The following NRAP variants were observed in gnomAD, a reference collection of about 807,000 sequenced individuals.
The protein encoded by NRAP is nebulin-related-anchoring protein.
A neutral mutation model predicts 225.9 loss-of-function variants in NRAP; 189 were observed. The observed-to-expected ratio is 0.84, with a 90% CI of 0.74 to 0.94. The LOEUF (loss-of-function observed/expected upper bound fraction) is 0.94. NRAP is among the 40% of genes least tolerant of loss of function. The probability of loss-of-function intolerance (pLI) is 0.00; values close to 1 mark genes in which losing one functional copy is unlikely to be tolerated. For missense variants in NRAP, 2,176 were observed against 2,168.7 expected, an observed-to-expected ratio of 1.00 and a Z score of -0.07; for synonymous variants, 769 against 790.7, an observed-to-expected ratio of 0.97 and a Z score of 0.46.
intron 15 of NRAP, among the ~76,000 whole-genome samples, chr10:113,633,399 G>C (rs548073921): frequency 1.3e-5 from 2 of 152,308 alleles, no homozygotes; most frequent in East Asian, 3.9e-4. Context: ...CACACTTGAA[G>C]TTGTGAGTTT....
Position 113,592,194 on chromosome 10 carries a change from A to T in NRAP, c.4644T>A (p.Asp1548Glu). 1 of 1,594,894 alleles carries T rather than the reference A, an allele frequency of 6.3e-7. No individual in the cohort carries two copies. The highest frequency in any genetic ancestry group is 8.6e-7 in the Non-Finnish European group (1 of 1,165,422). ...TARASREIAS[D>E]FRYKEAFLRD... ...GCAGGAGAGAACATGGGGGTCTTAC[A>T]TCACTGGCGATCTCCCTAGATGCCC... The change falls in exon 39 of 42, where the codon GAT becomes GAA. Residue 1548 changes from aspartate (D) to glutamate (E), a missense_variant and splice_region_variant. Transcript: ENST00000359988.
chr10:113,629,264 A>C (rs767408462), intron 19 of NRAP, among the ~76,000 whole-genome samples: 10 of 150,466 alleles, frequency 6.6e-5, no homozygotes, highest in Admixed American at 2.1e-4. Flanking sequence ...AGTGTTTCTC[A>C]TATTTGTTGA....
chr10:113,623,455 G>T, intron 23 of NRAP, 74 bp downstream of exon 23: 1 of 902,538 alleles, frequency 1.1e-6, no homozygotes, highest in South Asian at 1.6e-5. Flanking sequence ...AACCTGCCCA[G>T]ACACTCAGAG....
intron 16 of NRAP, among the ~76,000 whole-genome samples, 154 bp from the exon 17 acceptor site, chr10:113,632,118 T>C (rs1422584417): frequency 6.6e-6 from 1 of 152,196 alleles, no homozygotes; most frequent in Non-Finnish European, 1.5e-5. Flanking sequence ...ATTAACACAG[T>C]TAATTGATTC....
At position 113,663,450 on chromosome 10, in the gene NRAP, G is replaced by A. The variant is rs200548217; in HGVS notation, c.73-4C>T. On this transcript the variant is annotated splice_region_variant and splice_polypyrimidine_tract_variant and intron_variant, in intron 1 of 41. Coordinates refer to ENST00000359988, the MANE Select transcript of NRAP (RefSeq NM_198060.4). ...GAAAACAGGCTTTATGCCATATCTA[G>A]AAATCATATAGAGAAGATTTAGCAA... 1.9e-5 allele frequency: 30 copies of A among 1,557,492 alleles called. No homozygotes were observed. In the East Asian group the frequency reaches 6.5e-4, roughly 34 times the overall value.
At chr10:113,592,357 T>C (rs2133824840) in intron 38 of NRAP, 56 bp from the exon 39 acceptor site, 6 of 1,186,068 alleles carry the variant, frequency 5.1e-6, no homozygotes, top group African/African-American at 3.0e-5. Context: ...CTGTCTTCCA[T>C]GTTGCTGGTA....
chr10:113,636,414 G>A (rs1848870371), intron 14 of NRAP, among the ~76,000 whole-genome samples: 1 of 152,182 alleles, frequency 6.6e-6, no homozygotes, highest in Non-Finnish European at 1.5e-5. Flanking sequence ...ACCTCCCTGA[G>A]ATGACAGCCC....
intron 4 of NRAP, among the ~76,000 whole-genome samples, chr10:113,656,283 A>C (rs1323905180): frequency 2.0e-5 from 3 of 152,224 alleles, no homozygotes; most frequent in Non-Finnish European, 4.4e-5. Flanking sequence ...ATTGCCAATC[A>C]GAAAACTTTA....
intron 39 of NRAP, among the ~76,000 whole-genome samples, chr10:113,591,724 C>T (rs552921849): frequency 6.6e-6 from 1 of 152,162 alleles, no homozygotes; most frequent in South Asian, 2.1e-4. Flanking sequence ...GATAAGATCC[C>T]TATTTCATAG....
chr10:113,614,650 C>T (rs996785833), intron 28 of NRAP, among the ~76,000 whole-genome samples, 189 bp downstream of exon 28: 2 of 152,174 alleles, frequency 1.3e-5, no homozygotes, highest in Non-Finnish European at 2.9e-5. Flanking sequence ...GGCTTTGTAT[C>T]CCAGGCTGGG....
intron 32 of NRAP, among the ~76,000 whole-genome samples, chr10:113,607,081 A>G (rs960373616): frequency 6.6e-6 from 1 of 151,960 alleles, no homozygotes; most frequent in South Asian, 2.1e-4. Flanking sequence ...GGCGTCTGTA[A>G]TCCCAGCTAC....
intron 35 of NRAP, among the ~76,000 whole-genome samples, chr10:113,600,305 G>C (rs1224492038): frequency 1.3e-5 from 2 of 151,700 alleles, no homozygotes; most frequent in African/African-American, 4.8e-5. Flanking sequence ...CAGAGTAGCT[G>C]GGACCACAGG....
At chr10:113,628,808 A>G in intron 20 of NRAP, 109 bp downstream of exon 20, 1 of 671,112 alleles carries the variant, frequency 1.5e-6, no homozygotes. Context: ...ACTTTGAATC[A>G]CAGCCAAAAT....
chr10:113,623,248 A>T (rs1016435010), intron 23 of NRAP, among the ~76,000 whole-genome samples: 2 of 152,254 alleles, frequency 1.3e-5, no homozygotes, highest in Non-Finnish European at 2.9e-5. Context: ...GTCTCTGGGC[A>T]TCAATTTATC....
At chr10:113,659,692 A>T (rs1850541137) in intron 3 of NRAP, among the ~76,000 whole-genome samples, 1 of 152,174 alleles carries the variant, frequency 6.6e-6, no homozygotes, top group Non-Finnish European at 1.5e-5. Flanking sequence ...TTTTCTAAAA[A>T]TTCCATTCAC....
intron 22 of NRAP, among the ~76,000 whole-genome samples, chr10:113,624,111 T>A (rs1392278636): frequency 6.6e-6 from 1 of 152,132 alleles, no homozygotes; most frequent in Admixed American, 6.5e-5. Flanking sequence ...TATCTCCAAA[T>A]GTCGAGATCT....
intron 35 of NRAP, 45 bp from the exon 36 acceptor site, chr10:113,598,118 A>C (rs775830286): frequency 8.9e-7 from 1 of 1,125,222 alleles, no homozygotes; most frequent in South Asian, 1.2e-5. Context: ...AGTGCTTAAG[A>C]CTAGTACAGC....
intron 16 of NRAP, among the ~76,000 whole-genome samples, chr10:113,632,855 A>G (rs1848649005): frequency 6.6e-6 from 1 of 152,272 alleles, no homozygotes. Flanking sequence ...GTGTTCACAC[A>G]TAGATTGTAC....
At chr10:113,589,269 C>A (rs773900145) in intron 41 of NRAP, 190 bp from the exon 42 acceptor site, 7 of 594,408 alleles carry the variant, frequency 1.2e-5, no homozygotes, top group South Asian at 4.3e-5. Flanking sequence ...CAAAGCCAAT[C>A]TCTCATTTAG....
Sources: allele counts gnomAD v4.1 joint callset (sites outside exome capture counted in the v4.1 genomes callset), GRCh38; gene constraint gnomAD v4.1.1; transcripts MANE v1.5; gene names NCBI Gene and HGNC (gene_info 2026-07-23, HGNC 2026-07-21).